Variants in EXOC2 observed in about 807,000 individuals in gnomAD.
EXOC2 encodes the protein SEC5-like 1.
Under a neutral mutation model 131.8 loss-of-function variants are expected in EXOC2, and 70 were observed. The ratio of observed to expected loss-of-function variants is 0.53; its 90% CI spans 0.44 to 0.65. EXOC2 has a LOEUF of 0.65. Ranked by LOEUF, EXOC2 falls within the 30% of genes least tolerant of loss-of-function variation. The pLI is 0.00. For synonymous variants in EXOC2, 411 were observed against 398.4 expected, an observed-to-expected ratio of 1.03 and a Z score of -0.38; for missense variants, 923 against 1,108.6, an observed-to-expected ratio of 0.83 and a Z score of 2.38.
chr6:670,376 T>C (rs1763809681), intron 1 of EXOC2: 1 of 152,160 alleles, frequency 6.6e-6, no homozygotes, highest in African/African-American at 2.4e-5. Context: ...GTGTTTGGCA[T>C]TTTACAATAA....
intron 23 of EXOC2, among the ~76,000 whole-genome samples, chr6:531,438 A>G (rs1409753151): frequency 5.8e-5 from 1 of 17,296 alleles, no homozygotes; most frequent in Admixed American, 5.2e-4. Context: ...CACATGAGGA[A>G]TAAGGGCTGG....
Position 564,014 on chromosome 6 carries a change from C to G in EXOC2, c.1789+19G>C. The G allele has an allele frequency of 1.2e-6, 2 of 1,611,948 alleles. No individual in the cohort carries two copies. Among genetic ancestry groups the G allele is most frequent in the Non-Finnish European group, 1.7e-6 (2 of 1,179,162 alleles). On this transcript the variant is annotated intron_variant, in intron 16 of 27. Transcript: ENST00000230449. ...GATAATCATTGCACAGTGAACGTCA[C>G]CGATTTATCAAAACACACCTTCCGC...
rs9504458 is a variant in EXOC2, at chr6:617,866, C to T, written c.537-31G>A. ...ATGAAATAAAGAAACCAAAGTTTGACACTTCTAACATGCAAGAAAGAAAAA... is the reference window on the plus strand; with the variant it reads ...ATGAAATAAAGAAACCAAAGTTTGATACTTCTAACATGCAAGAAAGAAAAA... On this transcript the variant is annotated intron_variant, in intron 5 of 27. Coordinates refer to ENST00000230449, the MANE Select transcript of EXOC2 (RefSeq NM_018303.6). The T allele has an allele frequency of 8.8e-4, 1,409 of 1,599,624 alleles. 11 individuals carry two copies. The African/African-American group carries it at 0.017, about 20-fold the overall frequency.
At chr6:489,868 C>T (rs377674183) in intron 26 of EXOC2, among the ~76,000 whole-genome samples, 2 of 152,312 alleles carry the variant, frequency 1.3e-5, no homozygotes, top group African/African-American at 4.8e-5. Flanking sequence ...GCAAGTGTCA[C>T]AGCAACAGAG....
intron 23 of EXOC2, among the ~76,000 whole-genome samples, chr6:501,164 T>A (rs1451370111): frequency 4.6e-5 from 2 of 43,440 alleles, no homozygotes; most frequent in African/African-American, 1.6e-4. Flanking sequence ...TATCTATATA[T>A]ATTATATATA....
At chr6:572,475 T>C (rs1758338617) in intron 13 of EXOC2, 45 bp downstream of exon 13, 1 of 1,573,100 alleles carries the variant, frequency 6.4e-7, no homozygotes, top group Non-Finnish European at 8.6e-7. Context: ...AGACCAGAAA[T>C]GCACGGTGAC....
Position 501,184 on chromosome 6 carries a change from T to TTATATATATCTATATATC in EXOC2, c.2381-1485_2381-1484insGATATATAGATATATATA, listed in dbSNP as rs1764078567. On this transcript the variant is annotated intron_variant, in intron 23 of 27. Coordinates refer to ENST00000230449, the MANE Select transcript of EXOC2 (RefSeq NM_018303.6). ...ATATATATTATATATATCTATATAT[T>TTATATATATCTATATATC]ATATATATCTATATATATTATATAT... Among the ~76,000 whole-genome samples, 24 of 20,348 alleles carry TTATATATATCTATATATC rather than the reference T, an allele frequency of 1.2e-3. 8 individuals carry two copies. The highest frequency in any genetic ancestry group is 2.4e-3 in the Non-Finnish European group (24 of 9,840). 13.3% of individuals were successfully genotyped at this position (20,348 alleles called of 152,430 possible). A position where few individuals can be genotyped will look rare whatever the true frequency, so the allele number is the denominator to read the frequency against.
chr6:546,605 C>T (rs1330288593), intron 22 of EXOC2, among the ~76,000 whole-genome samples: 1 of 152,204 alleles, frequency 6.6e-6, no homozygotes, highest in Admixed American at 6.5e-5. Flanking sequence ...TCCTCTTGCT[C>T]TTCCTCAGCC....
chr6:534,094 T>C (rs1345871767), intron 22 of EXOC2, among the ~76,000 whole-genome samples: 1 of 152,184 alleles, frequency 6.6e-6, no homozygotes, highest in Non-Finnish European at 1.5e-5. Context: ...GAACTCCTGG[T>C]CACTGTTGAG....
chr6:660,231 A>G (rs1012436836), intron 1 of EXOC2, among the ~76,000 whole-genome samples: 15 of 139,254 alleles, frequency 1.1e-4, no homozygotes, highest in African/African-American at 3.7e-4. Context: ...AAGACAAAGG[A>G]CATATAATCT....
At chr6:599,428 G>T (rs377722235) in intron 7 of EXOC2, among the ~76,000 whole-genome samples, 13 of 152,190 alleles carry the variant, frequency 8.5e-5, no homozygotes, top group East Asian at 3.9e-4. Flanking sequence ...GTTAAGAATG[G>T]TATCCAATAT....
intron 16 of EXOC2, 76 bp from the exon 17 acceptor site, chr6:562,921 G>C: frequency 9.4e-7 from 1 of 1,060,858 alleles, no homozygotes; most frequent in Non-Finnish European, 1.3e-6. Context: ...AATGTATACA[G>C]GTTATGGTTT....
chr6:680,680 T>C (rs1285866273), intron 1 of EXOC2, among the ~76,000 whole-genome samples: 3 of 152,184 alleles, frequency 2.0e-5, no homozygotes, highest in Non-Finnish European at 4.4e-5. Flanking sequence ...CTGAGTTATA[T>C]GCATTTTTTT....
intron 2 of EXOC2, among the ~76,000 whole-genome samples, chr6:636,101 C>T (rs192860308): frequency 2.2e-4 from 33 of 152,280 alleles, no homozygotes; most frequent in East Asian, 7.7e-4. Context: ...AAGTAATACA[C>T]GCTTAGTCAA....
At chr6:535,902 T>C (rs9392066) in intron 22 of EXOC2, among the ~76,000 whole-genome samples, 5,732 of 152,272 alleles carry the variant, frequency 0.038, 396 homozygotes, top group East Asian at 0.32. Context: ...AAACAAACTA[T>C]TGGCAAATAG....
chr6:507,249 C>A lies in EXOC2; in HGVS notation c.2381-7549G>T, dbSNP rs866608281. 1.7e-4 allele frequency among the ~76,000 whole-genome samples: 14 copies of A among 81,480 alleles called. No homozygotes were observed. The South Asian group carries it at 2.6e-3, about 15-fold the overall frequency. The allele number at this position is 81,480 out of a possible 152,430, so 53.5% of individuals were successfully genotyped here. A position where few individuals can be genotyped will look rare whatever the true frequency, so the allele number is the denominator to read the frequency against. On this transcript the variant is annotated intron_variant, in intron 23 of 27. Transcript: ENST00000230449. ...ACACACACACACAGCAGTGACCCCC[C>A]CACACACACACAGCAGTGACTACAC...
chr6:658,159 C>T (rs1763227368), intron 1 of EXOC2, among the ~76,000 whole-genome samples: 1 of 152,118 alleles, frequency 6.6e-6, no homozygotes, highest in African/African-American at 2.4e-5. Context: ...ATCCACTTCT[C>T]CACTAACCTG....
chr6:629,906 G>T lies in EXOC2; in HGVS notation c.351C>A (p.Arg117=), dbSNP rs1358941996. ...GCGGAATTCCTTTGTTCCTGTCAGTGCGCATATCATAATAATTCATTTCAT... is the reference window on the plus strand; with the variant it reads ...GCGGAATTCCTTTGTTCCTGTCAGTTCGCATATCATAATAATTCATTTCAT... The part of the protein sequence containing the change: ...WVDEMNYYDM[R]TDRNKGIPPL... Residue 117 remains arginine, a synonymous_variant, in exon 4 of 28, where the codon CGC becomes CGA. Coordinates refer to ENST00000230449, the MANE Select transcript of EXOC2 (RefSeq NM_018303.6). The T allele has an allele frequency of 6.2e-7, 1 of 1,614,120 alleles. No individual in the cohort carries two copies. The highest frequency in any genetic ancestry group is 8.5e-7 in the Non-Finnish European group (1 of 1,179,982).
At chr6:656,476 T>C (rs1391833617) in intron 1 of EXOC2, 5 of 1,611,094 alleles carry the variant, frequency 3.1e-6, no homozygotes, top group East Asian at 4.5e-5. Context: ...GGCAGGCGGA[T>C]GCTCGCGTCG....
Sources: allele counts gnomAD v4.1 joint callset (sites outside exome capture counted in the v4.1 genomes callset), GRCh38; gene constraint gnomAD v4.1.1; transcripts MANE v1.5; gene names NCBI Gene and HGNC (gene_info 2026-07-23, HGNC 2026-07-21).